Variants in PARD3B observed in about 807,000 individuals in gnomAD.
PARD3B encodes the protein partitioning defective 3 homolog B.
In PARD3B, 103 loss-of-function variants were observed where a neutral mutation model predicts 130.2. That is an observed-to-expected ratio of 0.79 (90% CI 0.67 to 0.93). PARD3B has a LOEUF of 0.93. Ranked by LOEUF, PARD3B falls within the 40% of genes least tolerant of loss-of-function variation. The pLI is 0.00. For missense variants in PARD3B, 1,609 were observed against 1,499.2 expected (o/e 1.07, Z -1.21); for synonymous variants, 583 against 553.2 (o/e 1.05, Z -0.76).
At position 205,562,587 on chromosome 2, in the gene PARD3B, T is replaced by C. The variant is rs2053176932; in HGVS notation, c.3260+9184T>C. On this transcript the variant is annotated intron_variant, in intron 22 of 22. Coordinates refer to ENST00000406610, the MANE Select transcript of PARD3B (RefSeq NM_001302769.2). This position sits in a 1 kb window ranked among gnomAD's most constrained non-coding sequence, Gnocchi z 5.4. ...TTGCATGTTTTCCCTCCTGCACATATTAAAGGGAATTTTAGCATTTATTTC... is the reference window on the plus strand; with the variant it reads ...TTGCATGTTTTCCCTCCTGCACATACTAAAGGGAATTTTAGCATTTATTTC... 6.6e-6 allele frequency among the ~76,000 whole-genome samples: 1 copy of C among 152,192 alleles called. No homozygotes were observed. Among genetic ancestry groups the C allele is most frequent in the South Asian group, 2.1e-4 (1 of 4,832 alleles).
At chr2:204,854,854 C>T (rs1416509682) in intron 2 of PARD3B, among the ~76,000 whole-genome samples, 6 of 151,972 alleles carry the variant, frequency 3.9e-5, no homozygotes, top group Non-Finnish European at 4.4e-5. Context: ...GTCCTGGACA[C>T]ACACAAGGAG....
chr2:204,752,237 C>G (rs2040493039), intron 2 of PARD3B, among the ~76,000 whole-genome samples: 1 of 152,096 alleles, frequency 6.6e-6, no homozygotes, highest in Admixed American at 6.6e-5. Context: ...TGCTTACTTT[C>G]TGCTATGGGG....
chr2:205,057,308 C>T (rs1423544133), intron 4 of PARD3B, among the ~76,000 whole-genome samples: 11 of 144,176 alleles, frequency 7.6e-5, no homozygotes, highest in South Asian at 4.4e-4. Flanking sequence ...TGTATGTATT[C>T]GTATATGTAT....
At chr2:205,422,719 T>C in intron 19 of PARD3B, among the ~76,000 whole-genome samples, 1 of 152,154 alleles carries the variant, frequency 6.6e-6, no homozygotes, top group Admixed American at 6.6e-5. Flanking sequence ...TTTTCAAACA[T>C]GAAGAGATTT....
At chr2:204,616,091 G>A (rs2034102212) in intron 1 of PARD3B, among the ~76,000 whole-genome samples, 1 of 152,028 alleles carries the variant, frequency 6.6e-6, no homozygotes, top group Non-Finnish European at 1.5e-5. Flanking sequence ...AACACCAAAG[G>A]CACAGTACAT....
chr2:204,938,867 A>G (rs1002274476), intron 2 of PARD3B, among the ~76,000 whole-genome samples: 2 of 152,222 alleles, frequency 1.3e-5, no homozygotes, highest in African/African-American at 4.8e-5. Context: ...TGGAGACCAA[A>G]GAGCTCAGTA....
At chr2:204,679,361 T>C (rs1425638884) in intron 1 of PARD3B, among the ~76,000 whole-genome samples, 1 of 152,192 alleles carries the variant, frequency 6.6e-6, no homozygotes, top group Non-Finnish European at 1.5e-5. Context: ...TTATGTGTGA[T>C]GTTCATTCAG....
chr2:204,729,998 A>AC (rs2039425997), intron 2 of PARD3B, among the ~76,000 whole-genome samples: 135 of 141,446 alleles, frequency 9.5e-4, no homozygotes, highest in South Asian at 1.6e-3. Flanking sequence ...CACACACACA[A>AC]ACACACACAC....
chr2:204,767,090 C>T (rs1456116956), intron 2 of PARD3B, among the ~76,000 whole-genome samples: 2 of 115,714 alleles, frequency 1.7e-5, no homozygotes, highest in African/African-American at 3.3e-5. Context: ...TGCTGGTGCG[C>T]TGCACCCACT....
chr2:204,629,930 T>C (rs1211558990), intron 1 of PARD3B, among the ~76,000 whole-genome samples: 2 of 152,214 alleles, frequency 1.3e-5, no homozygotes, highest in African/African-American at 2.4e-5. Context: ...CGAAAAGTTA[T>C]TGATGTGTAT....
chr2:205,496,876 G>T (rs2049945948), intron 20 of PARD3B, among the ~76,000 whole-genome samples: 1 of 150,552 alleles, frequency 6.6e-6, no homozygotes, highest in African/African-American at 2.4e-5. Context: ...CAGTTTCTTT[G>T]GGGTAAACTA....
chr2:205,120,649 G>A (rs901396288), intron 7 of PARD3B, among the ~76,000 whole-genome samples: 1 of 152,198 alleles, frequency 6.6e-6, no homozygotes, highest in Non-Finnish European at 1.5e-5. Context: ...GGCAGCTTCC[G>A]TTTTCTGCTT....
chr2:204,718,185 G>A (rs564931641), intron 2 of PARD3B, among the ~76,000 whole-genome samples: 5 of 152,148 alleles, frequency 3.3e-5, no homozygotes, highest in African/African-American at 9.6e-5. Context: ...TTTGGTCGTG[G>A]GGGATGGGAG....
At chr2:205,004,153 A>G (rs141481874) in intron 3 of PARD3B, among the ~76,000 whole-genome samples, 1 of 152,302 alleles carries the variant, frequency 6.6e-6, no homozygotes, top group African/African-American at 2.4e-5. Flanking sequence ...GGGTATCACT[A>G]TACTGCTTCT....
chr2:204,786,333 C>T lies in PARD3B; in HGVS notation c.222+100051C>T, dbSNP rs554697005. Among the ~76,000 whole-genome samples, 4 of 152,080 alleles carry T rather than the reference C, an allele frequency of 2.6e-5. No homozygotes were observed. The East Asian group carries it at 7.8e-4, about 30-fold the overall frequency. The stretch of plus-strand genomic sequence containing the variant: ...ACTTAATTTCCTACTCCTGGAGTTT[C>T]TTTATTTTGAATTCTGTTGGAATCT... On this transcript the variant is annotated intron_variant, in intron 2 of 22. Transcript: ENST00000406610.
chr2:205,602,212 C>A (rs773594197), intron 22 of PARD3B, among the ~76,000 whole-genome samples: 1 of 152,156 alleles, frequency 6.6e-6, no homozygotes, highest in Non-Finnish European at 1.5e-5. Context: ...AGCCTTACAT[C>A]CCCGGGATAA....
chr2:205,064,940 G>A lies in PARD3B; in HGVS notation c.504+17250G>A, dbSNP rs1700274387. On this transcript the variant is annotated intron_variant, in intron 4 of 22. Coordinates refer to ENST00000406610, the MANE Select transcript of PARD3B (RefSeq NM_001302769.2). ...CCTTCCCTCAGAAACACCAAATGGGGTTGCAGAAATGCTAATTTGAGGGCT... is the reference window on the plus strand; with the variant it reads ...CCTTCCCTCAGAAACACCAAATGGGATTGCAGAAATGCTAATTTGAGGGCT... Among the ~76,000 whole-genome samples, 3 of 152,156 alleles carry A rather than the reference G, an allele frequency of 2.0e-5. No homozygotes were observed. In the South Asian group the frequency reaches 6.2e-4, roughly 32 times the overall value.
intron 2 of PARD3B, among the ~76,000 whole-genome samples, chr2:204,851,673 T>C (rs555016571): frequency 1.3e-5 from 2 of 152,240 alleles, no homozygotes; most frequent in South Asian, 4.1e-4. Context: ...CAATAAAATA[T>C]ACGTTATCAA....
At chr2:205,294,443 G>T (rs988166982) in intron 16 of PARD3B, among the ~76,000 whole-genome samples, 1 of 152,020 alleles carries the variant, frequency 6.6e-6, no homozygotes, top group African/African-American at 2.4e-5. Flanking sequence ...ACCTAAACAA[G>T]ACATAAAATT....
Sources: gnomAD v4.1 joint callset for allele counts (sites outside exome capture counted in the v4.1 genomes callset) on GRCh38, gnomAD v4.1.1 for gene constraint, Gnocchi (gnomAD v3.1) non-coding constraint, MANE v1.5 for transcripts, NCBI Gene and HGNC (gene_info 2026-07-23, HGNC 2026-07-21) for gene names.